Variants in DSCAM observed in about 807,000 individuals in gnomAD.
DSCAM encodes the protein cell adhesion molecule DSCAM.
A neutral mutation model predicts 217.7 loss-of-function variants in DSCAM; 47 were observed. That is an observed-to-expected ratio of 0.22 (90% CI 0.17 to 0.28). The LOEUF (loss-of-function observed/expected upper bound fraction) is 0.28. Ranked by LOEUF, DSCAM falls within the 10% of genes least tolerant of loss-of-function variation. DSCAM has a pLI of 1.00. For missense variants in DSCAM, 2,080 were observed against 2,618.3 expected (o/e 0.79, Z 4.49); for synonymous variants, 1,056 against 1,015.3 (o/e 1.04, Z -0.76).
chr21:40,123,401 C>T (rs922637153), intron 20 of DSCAM, among the ~76,000 whole-genome samples: 5 of 152,148 alleles, frequency 3.3e-5, no homozygotes, highest in African/African-American at 1.2e-4. Flanking sequence ...GCTGGAGATA[C>T]AAAGATGGAA....
rs1219891672 is a variant in DSCAM, at chr21:40,266,752, T to C, written c.2356+9345A>G. On this transcript the variant is annotated intron_variant, in intron 11 of 32. Coordinates refer to ENST00000400454, the MANE Select transcript of DSCAM (RefSeq NM_001389.5). ...TGTGTGTATATATATATGTTAGATA[T>C]ATATCATCTTGAAATTTTCACATGC... 4.3e-3 allele frequency among the ~76,000 whole-genome samples: 526 copies of C among 123,634 alleles called. 1 individual carries two copies. Among genetic ancestry groups the C allele is most frequent in the African/African-American group, 0.014 (461 of 32,032 alleles). 81.1% of individuals were successfully genotyped at this position (123,634 alleles called of 152,430 possible).
intron 4 of DSCAM, 81 bp from the exon 5 acceptor site, chr21:40,353,824 C>T (rs1452329230): frequency 5.5e-6 from 7 of 1,268,004 alleles, no homozygotes; most frequent in Non-Finnish European, 7.3e-6. Context: ...TCATGTATAA[C>T]TTAAATACGG....
At chr21:40,369,388 G>A (rs895748584) in intron 3 of DSCAM, 143 bp from the exon 4 acceptor site, 3 of 330,326 alleles carry the variant, frequency 9.1e-6, no homozygotes, top group Non-Finnish European at 5.1e-6. Context: ...GCGTCTGCGT[G>A]TGTGTGTGTG....
chr21:40,384,873 A>G (rs1224281547), intron 3 of DSCAM: 1 of 152,132 alleles, frequency 6.6e-6, no homozygotes, highest in Non-Finnish European at 1.5e-5. Context: ...AATCACCCAC[A>G]TAGGCATGAC....
At chr21:40,498,783 A>G (rs1468687921) in intron 3 of DSCAM, among the ~76,000 whole-genome samples, 92 of 13,146 alleles carry the variant, frequency 7.0e-3, no homozygotes, top group Non-Finnish European at 0.011. Flanking sequence ...ATGGGTGTGT[A>G]TATATATATA....
intron 3 of DSCAM, among the ~76,000 whole-genome samples, chr21:40,527,412 ACTCT>A (rs1205774186): frequency 6.6e-6 from 1 of 152,022 alleles, no homozygotes; most frequent in African/African-American, 2.4e-5. Context: ...GCTTCTGCAC[ACTCT>A]CTCTCTGAAA....
At chr21:40,026,811 C>G (rs1455376478) in intron 32 of DSCAM, among the ~76,000 whole-genome samples, 5 of 73,882 alleles carry the variant, frequency 6.8e-5, no homozygotes, top group African/African-American at 2.1e-4. Flanking sequence ...ACTGATGGGT[C>G]TTGACTCTTT....
chr21:40,353,727 G>A lies in DSCAM; in HGVS notation c.672C>T (p.Ala224=). ...RLFVSDPANS[A]PSILDGFDHR... is the part of the protein sequence containing the mutation. ...GGTCAAACCCATCCAGTATGGATGG[G>A]GCTGAGTTCGCTGGGTCTGTAGAAG... Residue 224 remains alanine, a synonymous_variant, in exon 5 of 33, where the codon GCC becomes GCT. Coordinates refer to ENST00000400454, the MANE Select transcript of DSCAM (RefSeq NM_001389.5). 6.4e-7 allele frequency: 1 copy of A among 1,558,942 alleles called. No homozygotes were observed. The highest frequency in any genetic ancestry group is 1.2e-5 in the South Asian group (1 of 82,482).
At chr21:40,795,433 T>G (rs2091683432) in intron 1 of DSCAM, among the ~76,000 whole-genome samples, 1 of 152,164 alleles carries the variant, frequency 6.6e-6, no homozygotes, top group Admixed American at 6.5e-5. Flanking sequence ...TAACTAAATA[T>G]GCTCAAGCTC....
chr21:40,339,263 T>C lies in DSCAM; in HGVS notation c.1363A>G (p.Ile455Val). The C allele has an allele frequency of 6.2e-7, 1 of 1,614,190 alleles. No homozygotes were observed. The highest frequency in any genetic ancestry group is 8.5e-7 in the Non-Finnish European group (1 of 1,180,036). The part of the protein sequence containing the change: ...DPILKGGSHR[I>V]SQMITSEGNV... Reference sequence around the variant, plus strand: ...CCCTCCGACGTGATCATCTGGCTGATGCGGTGACTGCCACCCTTGAGAATC... The same window carrying C: ...CCCTCCGACGTGATCATCTGGCTGACGCGGTGACTGCCACCCTTGAGAATC... The change falls in exon 7 of 33, where the codon ATC becomes GTC. Residue 455 changes from isoleucine to valine, a missense_variant. By Grantham distance (29) the Ile-to-Val change is conservative. Around this residue, in one of 5 missense-constraint regions of DSCAM, gnomAD observed 568 missense variants for 678.1 expected, o/e 0.84. Transcript: ENST00000400454.
At chr21:40,101,719 A>G (rs1568940687) in intron 20 of DSCAM, among the ~76,000 whole-genome samples, 1 of 151,916 alleles carries the variant, frequency 6.6e-6, no homozygotes, top group Admixed American at 6.6e-5. Context: ...CATGTTGCTT[A>G]TGTAATGAAC....
At chr21:40,095,316 G>C (rs1022435713) in intron 20 of DSCAM, among the ~76,000 whole-genome samples, 1 of 152,226 alleles carries the variant, frequency 6.6e-6, no homozygotes, top group Non-Finnish European at 1.5e-5. Context: ...TTAAAGATGA[G>C]ATTTGGCTGG....
intron 8 of DSCAM, among the ~76,000 whole-genome samples, chr21:40,321,449 G>A (rs2074258033): frequency 6.6e-6 from 1 of 152,096 alleles, no homozygotes; most frequent in Non-Finnish European, 1.5e-5. Flanking sequence ...AATAATAAAA[G>A]CGTTCCTAGT....
At chr21:40,156,015 G>A (rs563499620) in intron 16 of DSCAM, among the ~76,000 whole-genome samples, 2 of 151,758 alleles carry the variant, frequency 1.3e-5, no homozygotes, top group Admixed American at 6.6e-5. Context: ...CTACCCTGTA[G>A]GTCCTTAAAC....
At chr21:40,223,470 A>T (rs1420307317) in intron 11 of DSCAM, among the ~76,000 whole-genome samples, 1 of 152,240 alleles carries the variant, frequency 6.6e-6, no homozygotes, top group African/African-American at 2.4e-5. Flanking sequence ...CAGGTAAAAA[A>T]AGCTCCAATA....
At position 40,353,465 on chromosome 21, in the gene DSCAM, G is replaced by A. The variant is rs1461810166; in HGVS notation, c.934C>T (p.Gln312Ter). The A allele has an allele frequency of 6.3e-7, 1 of 1,599,740 alleles. No homozygotes were observed. The highest frequency in any genetic ancestry group is 8.5e-7 in the Non-Finnish European group (1 of 1,176,216). Residue 312 changes from glutamine (Q) to a stop codon, truncating the protein, a stop_gained and splice_region_variant, in exon 5 of 33, where the codon CAG (glutamine) becomes TAG (stop). Coordinates refer to ENST00000400454, the MANE Select transcript of DSCAM (RefSeq NM_001389.5). LOFTEE classifies it high-confidence loss of function. ...CTTTGCAAGTTACCGTCCAACTTACGTTTCACGTACAGGCGGCCTATCACC... is the reference window on the plus strand; with the variant it reads ...CTTTGCAAGTTACCGTCCAACTTACATTTCACGTACAGGCGGCCTATCACC... The part of the protein sequence containing the change: ...AKVIGRLYVK[Q>*]PLKATISPRK...
chr21:40,784,898 T>C (rs1459762221), intron 1 of DSCAM, among the ~76,000 whole-genome samples: 1 of 152,220 alleles, frequency 6.6e-6, no homozygotes, highest in Non-Finnish European at 1.5e-5. Context: ...CATTCTGTTA[T>C]AGTAGCCCAA....
rs1358681838 is a variant in DSCAM at position 40,316,552 on chromosome 21, CATG to C, written c.1784-4196_1784-4194del. 3.9e-5 allele frequency among the ~76,000 whole-genome samples: 6 copies of C among 152,172 alleles called. No homozygotes were observed. In the East Asian group the frequency reaches 1.2e-3, roughly 29 times the overall value. On this transcript the variant is annotated intron_variant, in intron 8 of 32. Coordinates refer to ENST00000400454, the MANE Select transcript of DSCAM (RefSeq NM_001389.5). ...TTTGAGACACACTGATTACCTGATT[CATG>C]ATATCACCTAAATAAGGTAAATTAT...
intron 11 of DSCAM, among the ~76,000 whole-genome samples, chr21:40,258,489 T>A (rs978094589): frequency 6.6e-6 from 1 of 152,220 alleles, no homozygotes; most frequent in Admixed American, 6.5e-5. Context: ...AAAAGTAAAG[T>A]AGAGGTTCCT....
Sources: allele counts gnomAD v4.1 joint callset (sites outside exome capture counted in the v4.1 genomes callset), GRCh38; gene constraint gnomAD v4.1.1; regional missense constraint gnomAD v4.1.1; transcripts MANE v1.5; gene names NCBI Gene and HGNC (gene_info 2026-07-23, HGNC 2026-07-21).